Variants in RNF150 observed in about 807,000 individuals in gnomAD.
RNF150 encodes ring finger protein 150.
Under a neutral mutation model 39.3 loss-of-function variants are expected in RNF150, and 24 were observed. The ratio of observed to expected loss-of-function variants is 0.61; its 90% CI spans 0.44 to 0.86. RNF150 has a LOEUF of 0.86. RNF150 is among the 40% of genes least tolerant of loss of function. RNF150 has a pLI of 0.00. For missense variants in RNF150, 502 were observed against 587.8 expected (o/e 0.85, Z 1.51); for synonymous variants, 255 against 227.3 (o/e 1.12, Z -1.10).
intron 4 of RNF150, among the ~76,000 whole-genome samples, chr4:140,937,279 GAGAC>G (rs374752276): frequency 6.6e-6 from 1 of 152,096 alleles, no homozygotes; most frequent in Non-Finnish European, 1.5e-5. Flanking sequence ...TTGTTTGTTT[GAGAC>G]AGAGTCTTGC....
chr4:141,093,386 G>A (rs1578721597), intron 1 of RNF150, among the ~76,000 whole-genome samples: 1 of 146,966 alleles, frequency 6.8e-6, no homozygotes, highest in Non-Finnish European at 1.5e-5. Context: ...AAAGGGGGGG[G>A]AAAGGGAACT....
At chr4:140,956,534 T>G (rs17424664) in intron 2 of RNF150, among the ~76,000 whole-genome samples, 78,383 of 151,960 alleles carry the variant, frequency 0.52, 21,366 homozygotes, top group Non-Finnish European at 0.6. Flanking sequence ...GGAAGCCCCT[T>G]AAGGTGAGGA....
intron 6 of RNF150, among the ~76,000 whole-genome samples, chr4:140,882,402 C>A (rs1729410588): frequency 6.6e-6 from 1 of 152,132 alleles, no homozygotes; most frequent in Non-Finnish European, 1.5e-5. Context: ...AATGTGTATT[C>A]TGCTACTGTT....
intron 1 of RNF150, among the ~76,000 whole-genome samples, chr4:141,006,758 A>C (rs909702379): frequency 1.2e-4 from 19 of 152,236 alleles, no homozygotes; most frequent in African/African-American, 4.1e-4. Flanking sequence ...TGTTTTGGAT[A>C]TTAACAGATC....
chr4:141,047,729 G>C (rs769001781), intron 1 of RNF150, among the ~76,000 whole-genome samples: 6 of 152,066 alleles, frequency 3.9e-5, no homozygotes, highest in Non-Finnish European at 4.4e-5. Context: ...CTATGTAGTA[G>C]CTGAGCCTGA....
chr4:140,971,294 G>A (rs1733455708), intron 1 of RNF150, among the ~76,000 whole-genome samples: 1 of 152,082 alleles, frequency 6.6e-6, no homozygotes, highest in African/African-American at 2.4e-5. Context: ...GGGCTAGGGG[G>A]AGTGGTGCAA....
intron 1 of RNF150, among the ~76,000 whole-genome samples, chr4:141,159,250 C>A (rs111888030): frequency 1.1e-4 from 16 of 152,238 alleles, no homozygotes; most frequent in African/African-American, 2.6e-4. Flanking sequence ...TCTAATTCGC[C>A]ATTGTAGCTT....
At chr4:140,928,060 C>T (rs1256334760) in intron 4 of RNF150, among the ~76,000 whole-genome samples, 1 of 150,926 alleles carries the variant, frequency 6.6e-6, no homozygotes, top group Admixed American at 6.6e-5. Flanking sequence ...CTCATCCATT[C>T]ACTCCTTTAT....
At chr4:141,003,511 C>G (rs1734748238) in intron 1 of RNF150, among the ~76,000 whole-genome samples, 1 of 151,250 alleles carries the variant, frequency 6.6e-6, no homozygotes, top group African/African-American at 2.4e-5. Context: ...CCTTTCTCTA[C>G]TTTGGTAACA....
At chr4:141,090,350 C>T in intron 1 of RNF150, among the ~76,000 whole-genome samples, 1 of 151,958 alleles carries the variant, frequency 6.6e-6, no homozygotes, top group South Asian at 2.1e-4. Flanking sequence ...AGACTAATAA[C>T]TAATATGGCG....
chr4:141,127,773 G>A (rs1726790310), intron 1 of RNF150, among the ~76,000 whole-genome samples: 1 of 152,100 alleles, frequency 6.6e-6, no homozygotes, highest in South Asian at 2.1e-4. Context: ...TAGACAGCTA[G>A]ATGTTTCATT....
chr4:141,138,513 CATT>C (rs1237267036), intron 1 of RNF150, among the ~76,000 whole-genome samples: 2 of 152,094 alleles, frequency 1.3e-5, no homozygotes, highest in East Asian at 1.9e-4. Context: ...TAAAGGCTGG[CATT>C]ATTATTTTTT....
intron 1 of RNF150, among the ~76,000 whole-genome samples, chr4:140,976,111 A>G (rs1043921596): frequency 3.5e-4 from 54 of 152,226 alleles, no homozygotes; most frequent in African/African-American, 1.2e-3. Context: ...ATTTCTCTGC[A>G]TTACGGTGAA....
chr4:141,087,149 C>A (rs983972103), intron 1 of RNF150, among the ~76,000 whole-genome samples: 13 of 152,132 alleles, frequency 8.5e-5, no homozygotes, highest in Non-Finnish European at 1.9e-4. Flanking sequence ...CCACCCTCCC[C>A]CTCAAGTAGA....
At chr4:141,131,316 A>G (rs1002429317) in intron 1 of RNF150, among the ~76,000 whole-genome samples, 1 of 152,244 alleles carries the variant, frequency 6.6e-6, no homozygotes, top group Admixed American at 6.5e-5. Flanking sequence ...CGGGCACTGG[A>G]TGCCACAGTC....
At chr4:141,054,690 C>CAAA (rs1368220812) in intron 1 of RNF150, among the ~76,000 whole-genome samples, 1 of 152,124 alleles carries the variant, frequency 6.6e-6, no homozygotes, top group East Asian at 1.9e-4. Context: ...ACATAAATAG[C>CAAA]AACCTTCTCT....
intron 1 of RNF150, among the ~76,000 whole-genome samples, chr4:141,207,127 T>A (rs546658548): frequency 4.6e-5 from 7 of 152,254 alleles, no homozygotes; most frequent in African/African-American, 1.7e-4. Flanking sequence ...GACTCAAATG[T>A]CAATCTCTTC....
At chr4:141,044,548 AT>A (rs1736492621) in intron 1 of RNF150, among the ~76,000 whole-genome samples, 1 of 152,228 alleles carries the variant, frequency 6.6e-6, no homozygotes, top group South Asian at 2.1e-4. Context: ...TTTACATAAC[AT>A]TATTATTTTA....
intron 1 of RNF150, among the ~76,000 whole-genome samples, chr4:141,087,000 A>G (rs1471215047): frequency 6.6e-6 from 1 of 151,810 alleles, no homozygotes; most frequent in Non-Finnish European, 1.5e-5. Flanking sequence ...AAAATTTTTT[A>G]TTTTAGGCTT....
Sources: gnomAD v4.1 joint callset for allele counts (sites outside exome capture counted in the v4.1 genomes callset) on GRCh38, gnomAD v4.1.1 for gene constraint, MANE v1.5 for transcripts, NCBI Gene and HGNC (gene_info 2026-07-23, HGNC 2026-07-21) for gene names.